NEGR1: variants seen among roughly 807,000 people sequenced by gnomAD.
NEGR1 encodes IgLON family member 4.
Under a neutral mutation model 40.9 loss-of-function variants are expected in NEGR1, and 10 were observed. That is an observed-to-expected ratio of 0.24 (90% CI 0.15 to 0.42). The LOEUF (loss-of-function observed/expected upper bound fraction) is 0.42. Ranked by LOEUF, NEGR1 falls within the 10% of genes least tolerant of loss-of-function variation. NEGR1 has a pLI of 1.00. For synonymous variants in NEGR1, 185 were observed against 166.8 expected (o/e 1.11, Z -0.84); for missense variants, 352 against 438.9 (o/e 0.80, Z 1.77).
intron 1 of NEGR1, among the ~76,000 whole-genome samples, chr1:72,024,954 T>C (rs1004418973): frequency 3.3e-5 from 5 of 152,188 alleles, no homozygotes; most frequent in African/African-American, 1.2e-4. Context: ...ATATAATTGG[T>C]TCTGCCTTTT....
chr1:71,970,311 G>A (rs1219448139), intron 1 of NEGR1, among the ~76,000 whole-genome samples: 3 of 152,108 alleles, frequency 2.0e-5, no homozygotes, highest in South Asian at 2.1e-4. Context: ...TTACTTCAAG[G>A]AATTTGGGTT....
intron 6 of NEGR1, among the ~76,000 whole-genome samples, chr1:71,547,072 C>T (rs373964516): frequency 2.6e-5 from 4 of 151,744 alleles, no homozygotes; most frequent in African/African-American, 9.7e-5. Flanking sequence ...TTTTCTAACA[C>T]TTATGACCTT....
chr1:72,136,843 A>C (rs1418992821), intron 1 of NEGR1, among the ~76,000 whole-genome samples: 1 of 152,122 alleles, frequency 6.6e-6, no homozygotes, highest in African/African-American at 2.4e-5. Context: ...TTTGAAATCT[A>C]TCCATCTGAC....
At chr1:71,861,304 C>G (rs993509121) in intron 2 of NEGR1, among the ~76,000 whole-genome samples, 3 of 151,974 alleles carry the variant, frequency 2.0e-5, no homozygotes, top group African/African-American at 7.2e-5. Context: ...GACTGGCATA[C>G]AGGAAACACC....
chr1:72,196,803 C>A (rs1211551060), intron 1 of NEGR1, among the ~76,000 whole-genome samples: 1 of 149,992 alleles, frequency 6.7e-6, no homozygotes, highest in African/African-American at 2.4e-5. Context: ...AAATGACTTA[C>A]ATGTAACTAC....
intron 1 of NEGR1, among the ~76,000 whole-genome samples, chr1:72,116,338 C>T (rs1157492459): frequency 6.6e-6 from 1 of 151,696 alleles, no homozygotes; most frequent in Admixed American, 6.6e-5. Context: ...TAACTATGAT[C>T]TGTAAAGTAG....
At chr1:71,710,233 T>C (rs533326252) in intron 3 of NEGR1, among the ~76,000 whole-genome samples, 4 of 152,076 alleles carry the variant, frequency 2.6e-5, no homozygotes, top group African/African-American at 9.6e-5. Context: ...AAAAGACAAA[T>C]ACTAGCAAGG....
intron 1 of NEGR1, among the ~76,000 whole-genome samples, chr1:72,133,706 T>A (rs1441846679): frequency 6.6e-6 from 1 of 151,628 alleles, no homozygotes; most frequent in Non-Finnish European, 1.5e-5. Flanking sequence ...TTAGCAGAGA[T>A]TCATTAGCAC....
chr1:71,969,757 T>A (rs1413061232), intron 1 of NEGR1, among the ~76,000 whole-genome samples: 1 of 152,220 alleles, frequency 6.6e-6, no homozygotes, highest in East Asian at 1.9e-4. Context: ...GAAGCCCAAA[T>A]GTGTTTCCTC....
At chr1:71,830,636 A>T (rs1205977176) in intron 2 of NEGR1, among the ~76,000 whole-genome samples, 1 of 151,900 alleles carries the variant, frequency 6.6e-6, no homozygotes, top group African/African-American at 2.4e-5. Flanking sequence ...AGAGTCAAAG[A>T]AAAAAACAGA....
chr1:71,835,891 T>C (rs1366480240), intron 2 of NEGR1, among the ~76,000 whole-genome samples: 1 of 152,142 alleles, frequency 6.6e-6, no homozygotes, highest in African/African-American at 2.4e-5. Flanking sequence ...TTGTACACTA[T>C]ATATATGTAT....
intron 4 of NEGR1, among the ~76,000 whole-genome samples, chr1:71,673,107 CG>C (rs1294797688): frequency 1.3e-5 from 2 of 151,972 alleles, no homozygotes; most frequent in Non-Finnish European, 2.9e-5. Context: ...GGCATTTTGG[CG>C]GGCGCCTGTA....
chr1:72,263,890 T>C (rs1655551038), intron 1 of NEGR1, among the ~76,000 whole-genome samples: 1 of 151,544 alleles, frequency 6.6e-6, no homozygotes, highest in Non-Finnish European at 1.5e-5. Flanking sequence ...CTTTCCCTGA[T>C]TTTCTTATCC....
chr1:71,780,207 A>T (rs1320257936), intron 2 of NEGR1, among the ~76,000 whole-genome samples: 1 of 152,206 alleles, frequency 6.6e-6, no homozygotes, highest in Non-Finnish European at 1.5e-5. Flanking sequence ...TATTTAATCA[A>T]TTCAACAATT....
chr1:71,938,677 T>G (rs140650258), intron 1 of NEGR1, among the ~76,000 whole-genome samples: 1 of 152,190 alleles, frequency 6.6e-6, no homozygotes, highest in African/African-American at 2.4e-5. Flanking sequence ...CAACATTTTT[T>G]TTTCTTGGTT....
At chr1:72,116,463 T>G (rs747578530) in intron 1 of NEGR1, among the ~76,000 whole-genome samples, 1 of 151,742 alleles carries the variant, frequency 6.6e-6, no homozygotes, top group Non-Finnish European at 1.5e-5. Flanking sequence ...TGGATTTCCT[T>G]AGTCATATGC....
At chr1:71,827,683 T>C (rs1053383460) in intron 2 of NEGR1, among the ~76,000 whole-genome samples, 1 of 151,928 alleles carries the variant, frequency 6.6e-6, no homozygotes, top group East Asian at 1.9e-4. Context: ...ATTAACTAGA[T>C]AAAGACAAGA....
chr1:71,544,033 G>A (rs1040782570), intron 6 of NEGR1, among the ~76,000 whole-genome samples: 5 of 151,508 alleles, frequency 3.3e-5, no homozygotes, highest in African/African-American at 7.3e-5. Flanking sequence ...TGTATTCATT[G>A]AGGCAACTGC....
At chr1:72,258,391 T>C (rs548135777) in intron 1 of NEGR1, among the ~76,000 whole-genome samples, 2 of 152,200 alleles carry the variant, frequency 1.3e-5, no homozygotes, top group East Asian at 3.9e-4. Context: ...TGTGTGTGAG[T>C]GATCATTCAG....
Sources: gnomAD v4.1 joint callset for allele counts (sites outside exome capture counted in the v4.1 genomes callset) on GRCh38, gnomAD v4.1.1 for gene constraint, MANE v1.5 for transcripts, NCBI Gene and HGNC (gene_info 2026-07-23, HGNC 2026-07-21) for gene names.